COL24A1: variants seen among roughly 807,000 people sequenced by gnomAD.
COL24A1 encodes the protein collagen type XXIV alpha 1 chain.
Under a neutral mutation model 253.9 loss-of-function variants are expected in COL24A1, and 224 were observed. The ratio of observed to expected loss-of-function variants is 0.88; its 90% CI spans 0.79 to 0.99. The LOEUF (loss-of-function observed/expected upper bound fraction) is 0.99. COL24A1 is among the 50% of genes least tolerant of loss of function. The probability of loss-of-function intolerance (pLI) is 0.00; values close to 1 mark genes in which losing one functional copy is unlikely to be tolerated. For missense variants in COL24A1, 2,131 were observed against 2,068.5 expected, an observed-to-expected ratio of 1.03 and a Z score of -0.59; for synonymous variants, 685 against 673.7, an observed-to-expected ratio of 1.02 and a Z score of -0.26.
At chr1:86,126,298 TCTTCC>T in intron 2 of COL24A1, 84 bp from the exon 3 acceptor site, 3 of 1,282,908 alleles carry the variant, frequency 2.3e-6, no homozygotes, top group Non-Finnish European at 3.2e-6. Flanking sequence ...ATGATAAAAA[TCTTCC>T]TTGTAGCAAC....
At chr1:86,069,037 A>G (rs1160297917) in intron 7 of COL24A1, among the ~76,000 whole-genome samples, 2 of 152,168 alleles carry the variant, frequency 1.3e-5, no homozygotes, top group African/African-American at 4.8e-5. Context: ...GTGGTCCAGT[A>G]CATTCCAGCT....
chr1:86,132,462 T>A (rs1303862519), intron 2 of COL24A1, among the ~76,000 whole-genome samples: 2 of 152,102 alleles, frequency 1.3e-5, no homozygotes, highest in African/African-American at 2.4e-5. Context: ...CTGAATGGTA[T>A]TGCCTAGGTT....
intron 37 of COL24A1, among the ~76,000 whole-genome samples, chr1:85,865,726 A>G (rs1456091394): frequency 6.6e-6 from 1 of 152,194 alleles, no homozygotes; most frequent in Non-Finnish European, 1.5e-5. Flanking sequence ...AAATATACAT[A>G]CTAAAGTATG....
intron 19 of COL24A1, among the ~76,000 whole-genome samples, chr1:86,015,666 G>T (rs1696922829): frequency 6.6e-6 from 1 of 152,002 alleles, no homozygotes; most frequent in Non-Finnish European, 1.5e-5. Context: ...AGTATGACAA[G>T]GCAGTAAATA....
rs1688177474 is a variant in COL24A1, at chr1:85,935,465, G to A, written c.2563-24032C>T. 1.4e-5 allele frequency among the ~76,000 whole-genome samples: 2 copies of A among 147,414 alleles called. 1 individual carries two copies. The highest frequency in any genetic ancestry group is 5.0e-5 in the African/African-American group (2 of 40,196). ...ATAAATACATCACTGTTTCCAAATA[G>A]CTAACCTTTGGATCACTTCACTCCT... On this transcript the variant is annotated intron_variant, in intron 24 of 59. Transcript: ENST00000370571.
chr1:85,815,300 G>A (rs922004690), intron 47 of COL24A1, among the ~76,000 whole-genome samples: 4 of 152,168 alleles, frequency 2.6e-5, no homozygotes, highest in Non-Finnish European at 5.9e-5. Flanking sequence ...TGGTGAGTCC[G>A]GAGATTAGCA....
chr1:86,033,940 G>C lies in COL24A1; in HGVS notation c.1951-17C>G. 1 of 1,581,154 alleles carries C rather than the reference G, an allele frequency of 6.3e-7. No homozygotes were observed. Among genetic ancestry groups the C allele is most frequent in the Non-Finnish European group, 8.6e-7 (1 of 1,166,878 alleles). On this transcript the variant is annotated splice_polypyrimidine_tract_variant and intron_variant, in intron 12 of 59. Transcript: ENST00000370571. ...TGGAAAACCCTGTCACAGGGAAAGA[G>C]GAAGAATGCCAACATATATAAATAA...
chr1:86,073,771 C>G (rs574691413), intron 7 of COL24A1, among the ~76,000 whole-genome samples: 1 of 152,316 alleles, frequency 6.6e-6, no homozygotes, highest in African/African-American at 2.4e-5. Context: ...CAGCAGATCT[C>G]TCAGTGGAAA....
At position 85,969,604 on chromosome 1, in the gene COL24A1, CAAAAAAAAAAAAA is replaced by C. The variant is rs61128567; in HGVS notation, c.2463+610_2463+622del. Among the ~76,000 whole-genome samples the C allele has an allele frequency of 5.8e-4, 16 of 27,474 alleles. No homozygotes were observed. In the East Asian group the frequency reaches 9.0e-3, roughly 15 times the overall value. 18.0% of individuals were successfully genotyped at this position (27,474 alleles called of 152,430 possible). A position where few individuals can be genotyped will look rare whatever the true frequency, so the allele number is the denominator to read the frequency against. On this transcript the variant is annotated intron_variant, in intron 22 of 59. Coordinates refer to ENST00000370571, the MANE Select transcript of COL24A1 (RefSeq NM_152890.7). ...TGGATGACAGAGTGAGACTCTGTCT[CAAAAAAAAAAAAA>C]AAAAAAAAAAAAAAAAAAGGAAGAA...
intron 28 of COL24A1, among the ~76,000 whole-genome samples, 194 bp from the exon 29 acceptor site, chr1:85,896,603 T>G (rs1571129310): frequency 6.6e-6 from 1 of 152,058 alleles, no homozygotes; most frequent in South Asian, 2.1e-4. Flanking sequence ...CACGCCATTC[T>G]CCTGCCTCAG....
At chr1:86,094,278 G>T (rs1020715302) in intron 5 of COL24A1, among the ~76,000 whole-genome samples, 3 of 151,998 alleles carry the variant, frequency 2.0e-5, no homozygotes, top group African/African-American at 7.2e-5. Flanking sequence ...AGAAAATGTG[G>T]TACTGTATAT....
chr1:85,877,772 G>A (rs1681353434), intron 32 of COL24A1, among the ~76,000 whole-genome samples: 1 of 152,130 alleles, frequency 6.6e-6, no homozygotes, highest in African/African-American at 2.4e-5. Flanking sequence ...CATTTATTAA[G>A]CACCTCATAA....
At chr1:85,933,601 G>T (rs1360406466) in intron 24 of COL24A1, among the ~76,000 whole-genome samples, 1 of 152,162 alleles carries the variant, frequency 6.6e-6, no homozygotes, top group Non-Finnish European at 1.5e-5. Flanking sequence ...TTTCTGAAAG[G>T]CAGACTAAGG....
chr1:85,907,405 A>G (rs966565052), intron 27 of COL24A1, among the ~76,000 whole-genome samples, 158 bp from the exon 28 acceptor site: 6 of 151,962 alleles, frequency 3.9e-5, no homozygotes, highest in Non-Finnish European at 7.4e-5. Context: ...GCCCTCTACC[A>G]ATATTCTGCT....
intron 7 of COL24A1, among the ~76,000 whole-genome samples, chr1:86,084,027 G>A (rs973295920): frequency 5.3e-5 from 8 of 152,016 alleles, no homozygotes; most frequent in Non-Finnish European, 8.8e-5. Context: ...CAACTCTCTC[G>A]TAAAGTTTGT....
intron 3 of COL24A1, among the ~76,000 whole-genome samples, chr1:86,122,234 TC>T (rs1217106512): frequency 6.6e-6 from 1 of 152,056 alleles, no homozygotes; most frequent in Admixed American, 6.6e-5. Flanking sequence ...GCTGATCAAT[TC>T]CTTCTCAAAA....
intron 7 of COL24A1, among the ~76,000 whole-genome samples, chr1:86,072,126 A>T (rs1354756422): frequency 1.3e-5 from 2 of 152,022 alleles, no homozygotes; most frequent in Non-Finnish European, 2.9e-5. Context: ...TTTTTTTCAT[A>T]CCCCAGTGGC....
intron 5 of COL24A1, among the ~76,000 whole-genome samples, chr1:86,105,699 C>A (rs1328562638): frequency 6.6e-6 from 1 of 152,190 alleles, no homozygotes; most frequent in Non-Finnish European, 1.5e-5. Flanking sequence ...TTGGGCTCCA[C>A]ACTGGCTGAG....
chr1:85,927,140 G>T (rs146081698), intron 24 of COL24A1, among the ~76,000 whole-genome samples: 2 of 152,128 alleles, frequency 1.3e-5, no homozygotes, highest in Non-Finnish European at 2.9e-5. Flanking sequence ...CGCAGAAGAC[G>T]GGTGATTTCT....
Sources: allele counts gnomAD v4.1 joint callset (sites outside exome capture counted in the v4.1 genomes callset), GRCh38; gene constraint gnomAD v4.1.1; transcripts MANE v1.5; gene names NCBI Gene and HGNC (gene_info 2026-07-23, HGNC 2026-07-21).